Variants in CFAP70 observed in about 807,000 individuals in gnomAD.
The protein encoded by CFAP70 is cilia- and flagella-associated protein 70.
CFAP70 carries 81 observed loss-of-function variants against 137.6 expected under a neutral mutation model. The observed-to-expected ratio is 0.59, with a 90% CI of 0.49 to 0.71. The LOEUF (loss-of-function observed/expected upper bound fraction) is 0.71, where lower values mean the gene tolerates loss of function less well. Among genes scored for constraint, CFAP70 ranks in the 30% least tolerant of loss-of-function variants. CFAP70 has a pLI of 0.00. For missense variants in CFAP70, 976 were observed against 1,226.7 expected (o/e 0.80, Z 3.05); for synonymous variants, 382 against 423.6 (o/e 0.90, Z 1.20).
chr10:73,314,428 A>T (rs1052514957), intron 9 of CFAP70, among the ~76,000 whole-genome samples: 1 of 152,200 alleles, frequency 6.6e-6, no homozygotes, highest in African/African-American at 2.4e-5. Flanking sequence ...AGATTCAAAG[A>T]CACAAGCTTT....
intron 3 of CFAP70, among the ~76,000 whole-genome samples, chr10:73,351,706 C>T (rs1387825663): frequency 1.3e-5 from 2 of 152,226 alleles, no homozygotes; most frequent in Non-Finnish European, 2.9e-5. Context: ...TCTGGGATTA[C>T]AGGCTTGAGC....
chr10:73,274,273 A>G (rs1016695997), intron 23 of CFAP70, among the ~76,000 whole-genome samples, 160 bp downstream of exon 24: 1 of 152,240 alleles, frequency 6.6e-6, no homozygotes, highest in African/African-American at 2.4e-5. Flanking sequence ...TGCTGCTTCC[A>G]CTAATTACTG....
In CFAP70 at chr10:73,313,189, G is replaced by A. The variant is rs569816330; in HGVS notation, c.913-546C>T. ...AGATTGAGATTATCCTGGCTAACAC[G>A]GTGAAACCACGTCTCTACTAAAAAT... On this transcript the variant is annotated intron_variant, in intron 9 of 26. Transcript: ENST00000310715. Among the ~76,000 whole-genome samples the A allele has an allele frequency of 4.6e-5, 7 of 151,854 alleles. 1 individual carries two copies. The highest frequency in any genetic ancestry group is 3.9e-4 in the East Asian group (2 of 5,122).
At chr10:73,273,476 A>G (rs2046461710) in intron 23 of CFAP70, among the ~76,000 whole-genome samples, 1 of 152,268 alleles carries the variant, frequency 6.6e-6, no homozygotes, top group African/African-American at 2.4e-5. Flanking sequence ...AGAAAAACTC[A>G]GAAGACAAAC....
At chr10:73,345,207 G>A (rs777587309) in intron 4 of CFAP70, 4 of 1,613,994 alleles carry the variant, frequency 2.5e-6, no homozygotes, top group African/African-American at 1.3e-5. Flanking sequence ...GGTCAGTAAA[G>A]GCTCTGCCAC....
intron 1 of CFAP70, among the ~76,000 whole-genome samples, chr10:73,358,381 G>A (rs1478003612): frequency 1.3e-5 from 2 of 152,248 alleles, no homozygotes; most frequent in African/African-American, 4.8e-5. Flanking sequence ...AAGCTGCAAG[G>A]GGAGAGTCCA....
intron 8 of CFAP70, among the ~76,000 whole-genome samples, chr10:73,324,168 C>T (rs937164584): frequency 4.6e-5 from 7 of 152,214 alleles, no homozygotes; most frequent in East Asian, 1.9e-4. Context: ...CAGCAGCATT[C>T]GTGGTTCATG....
intron 11 of CFAP70, 105 bp downstream of exon 12, chr10:73,311,729 G>T (rs1337676616): frequency 1.1e-6 from 1 of 932,242 alleles, no homozygotes; most frequent in Non-Finnish European, 1.7e-6. Flanking sequence ...GGCAAATATG[G>T]AATGATAACT....
intron 8 of CFAP70, among the ~76,000 whole-genome samples, chr10:73,328,438 T>A (rs898068719): frequency 3.3e-5 from 5 of 150,450 alleles, no homozygotes; most frequent in African/African-American, 4.9e-5. Flanking sequence ...GGCAAGGACT[T>A]CATGTCTAAA....
At chr10:73,274,405 G>A (rs1377770566) in intron 23 of CFAP70, 28 bp downstream of exon 24, 1 of 1,591,178 alleles carries the variant, frequency 6.3e-7, no homozygotes, top group East Asian at 2.3e-5. Flanking sequence ...CCAGACCACG[G>A]GGTTATTCCC....
chr10:73,353,881 A>T, intron 2 of CFAP70, 139 bp from the exon 3 acceptor site: 2 of 715,664 alleles, frequency 2.8e-6, no homozygotes, highest in South Asian at 3.9e-5. Flanking sequence ...CAAAAGGAAT[A>T]GGTAGAAAAA....
At chr10:73,284,037 C>T (rs1049771082) in intron 19 of CFAP70, among the ~76,000 whole-genome samples, 7 of 152,256 alleles carry the variant, frequency 4.6e-5, no homozygotes, top group Non-Finnish European at 5.9e-5. Context: ...TGGCTTAAAA[C>T]AACACAAACA....
intron 5 of CFAP70, among the ~76,000 whole-genome samples, chr10:73,343,116 A>G (rs1400901901): frequency 6.6e-6 from 1 of 151,428 alleles, no homozygotes; most frequent in African/African-American, 2.4e-5. Flanking sequence ...AGGCTGAGGC[A>G]GGAGAATCAC....
intron 11 of CFAP70, 99 bp downstream of exon 12, chr10:73,311,735 T>TAG (rs1314876789): frequency 1.5e-5 from 15 of 970,040 alleles, no homozygotes; most frequent in Admixed American, 9.9e-5. Context: ...TATGGAATGA[T>TAG]AACTAACATC....
intron 3 of CFAP70, among the ~76,000 whole-genome samples, chr10:73,353,322 T>C (rs1359245844): frequency 6.6e-6 from 1 of 152,158 alleles, no homozygotes; most frequent in East Asian, 1.9e-4. Flanking sequence ...CCCCTAGGTT[T>C]TGGAGTACTG....
At chr10:73,288,576 T>C (rs748160563) in intron 19 of CFAP70, among the ~76,000 whole-genome samples, 1 of 152,124 alleles carries the variant, frequency 6.6e-6, no homozygotes, top group South Asian at 2.1e-4. Context: ...TCCTACTACC[T>C]AGGAACTACT....
intron 19 of CFAP70, among the ~76,000 whole-genome samples, chr10:73,289,189 G>T (rs1009621097): frequency 6.6e-6 from 1 of 152,036 alleles, no homozygotes; most frequent in South Asian, 2.1e-4. Context: ...ACATAAAGAT[G>T]ATGAACATCA....
chr10:73,323,331 C>CGGG (rs375347388), intron 8 of CFAP70, among the ~76,000 whole-genome samples: 1 of 47,458 alleles, frequency 2.1e-5, no homozygotes, highest in African/African-American at 9.8e-5. Context: ...ATGGCGGGGG[C>CGGG]GGGGGGGGGG....
intron 3 of CFAP70, among the ~76,000 whole-genome samples, chr10:73,348,932 C>T (rs1389836567): frequency 6.6e-6 from 1 of 151,870 alleles, no homozygotes; most frequent in Non-Finnish European, 1.5e-5. Context: ...CATAGTGGCC[C>T]ATGCCTGTAA....
Sources: gnomAD v4.1 joint callset for allele counts (sites outside exome capture counted in the v4.1 genomes callset) on GRCh38, gnomAD v4.1.1 for gene constraint, MANE v1.5 for transcripts, NCBI Gene and HGNC (gene_info 2026-07-23, HGNC 2026-07-21) for gene names.